DPP10: variants seen among roughly 807,000 people sequenced by gnomAD.
DPP10 encodes the protein dipeptidyl peptidase like 10, also known as inactive dipeptidyl peptidase 10.
Under a neutral mutation model 120.9 loss-of-function variants are expected in DPP10, and 33 were observed. The observed-to-expected ratio is 0.27, with a 90% CI of 0.21 to 0.37. The LOEUF (loss-of-function observed/expected upper bound fraction) is 0.37, where lower values mean the gene tolerates loss of function less well. Ranked by LOEUF, DPP10 falls within the 10% of genes least tolerant of loss-of-function variation. The pLI is 1.00. For synonymous variants in DPP10, 337 were observed against 326.1 expected (o/e 1.03, Z -0.36); for missense variants, 816 against 942.8 (o/e 0.87, Z 1.76).
At chr2:114,644,253 T>C (rs1695943420) in intron 1 of DPP10, among the ~76,000 whole-genome samples, 1 of 151,422 alleles carries the variant, frequency 6.6e-6, no homozygotes, top group South Asian at 2.1e-4. Context: ...GATTAATATA[T>C]TTTATTTCTA....
rs7602921 is a variant in DPP10 at position 115,646,110 on chromosome 2, A to G, written c.442-43577A>G. Among the ~76,000 whole-genome samples, 823 of 144,438 alleles carry G rather than the reference A, an allele frequency of 5.7e-3. 4 individuals are homozygous for G. Among genetic ancestry groups the G allele is most frequent in the African/African-American group, 0.017 (674 of 40,232 alleles). 94.8% of individuals were successfully genotyped at this position (144,438 alleles called of 152,430 possible). A position where few individuals can be genotyped will look rare whatever the true frequency, so the allele number is the denominator to read the frequency against. ...CACACACATGCACGTGCGTGCGCGCACACACACACACACACTTCTTTGCCC... is the reference window on the plus strand; with the variant it reads ...CACACACATGCACGTGCGTGCGCGCGCACACACACACACACTTCTTTGCCC... On this transcript the variant is annotated intron_variant, in intron 5 of 25. Transcript: ENST00000410059.
At chr2:114,968,172 C>G (rs1301946835) in intron 1 of DPP10, among the ~76,000 whole-genome samples, 1 of 152,160 alleles carries the variant, frequency 6.6e-6, no homozygotes, top group South Asian at 2.1e-4. Context: ...ATATTTACAC[C>G]TGTGCTCTCG....
chr2:115,131,638 A>T (rs887810735), intron 1 of DPP10, among the ~76,000 whole-genome samples: 2 of 152,250 alleles, frequency 1.3e-5, no homozygotes, highest in Admixed American at 6.5e-5. Flanking sequence ...TTTCAAATCC[A>T]TCTGAAGAAT....
chr2:115,483,070 T>C (rs2075536692), intron 3 of DPP10, among the ~76,000 whole-genome samples: 1 of 152,052 alleles, frequency 6.6e-6, no homozygotes, highest in Non-Finnish European at 1.5e-5. Context: ...GCCATTTTGA[T>C]GGTTAATGGT....
intron 1 of DPP10, among the ~76,000 whole-genome samples, chr2:114,554,938 CCAGGAGCACA>C (rs1688168521): frequency 6.6e-6 from 1 of 152,144 alleles, no homozygotes; most frequent in African/African-American, 2.4e-5. Flanking sequence ...AGGGGAAGAG[CCAGGAGCACA>C]AGCAGTGTCC....
intron 5 of DPP10, among the ~76,000 whole-genome samples, chr2:115,632,119 T>C (rs1393144068): frequency 2.0e-5 from 3 of 152,144 alleles, no homozygotes; most frequent in African/African-American, 7.2e-5. Flanking sequence ...TATATATTTC[T>C]GATAGCTAGC....
At chr2:114,979,943 A>G (rs1465748507) in intron 1 of DPP10, among the ~76,000 whole-genome samples, 3 of 152,038 alleles carry the variant, frequency 2.0e-5, no homozygotes, top group Non-Finnish European at 4.4e-5. Flanking sequence ...AAATTTTGTC[A>G]GTTTCTATAG....
At chr2:114,976,080 CATAA>C (rs1029113510) in intron 1 of DPP10, among the ~76,000 whole-genome samples, 5 of 152,070 alleles carry the variant, frequency 3.3e-5, no homozygotes, top group Non-Finnish European at 7.4e-5. Flanking sequence ...CTGAACTTTG[CATAA>C]ATGTTTATTA....
intron 10 of DPP10, among the ~76,000 whole-genome samples, chr2:115,751,731 G>T (rs1678734569): frequency 6.6e-6 from 1 of 151,522 alleles, no homozygotes; most frequent in Admixed American, 6.6e-5. Flanking sequence ...GTATCAAGAG[G>T]TTATTTTTCT....
At chr2:115,655,854 G>A (rs1393389682) in intron 5 of DPP10, among the ~76,000 whole-genome samples, 1 of 151,570 alleles carries the variant, frequency 6.6e-6, no homozygotes, top group Non-Finnish European at 1.5e-5. Flanking sequence ...GGGGAAGGCT[G>A]AGGAGGAAGA....
At chr2:114,967,377 A>G (rs1699107751) in intron 1 of DPP10, among the ~76,000 whole-genome samples, 1 of 152,030 alleles carries the variant, frequency 6.6e-6, no homozygotes, top group African/African-American at 2.4e-5. Context: ...ACACAGATGG[A>G]TTTTTGGGTG....
intron 1 of DPP10, among the ~76,000 whole-genome samples, chr2:114,509,443 G>A (rs553593388): frequency 2.6e-5 from 4 of 152,296 alleles, no homozygotes; most frequent in South Asian, 2.1e-4. Context: ...TCAGTTAGTC[G>A]AGAAATTAAA....
At chr2:114,658,952 C>T (rs1044937324) in intron 1 of DPP10, among the ~76,000 whole-genome samples, 1 of 152,136 alleles carries the variant, frequency 6.6e-6, no homozygotes, top group Non-Finnish European at 1.5e-5. Flanking sequence ...TGGGGTTTCT[C>T]CCATGCCGTT....
At chr2:115,599,079 G>C (rs1455107435) in intron 5 of DPP10, among the ~76,000 whole-genome samples, 1 of 151,758 alleles carries the variant, frequency 6.6e-6, no homozygotes, top group Non-Finnish European at 1.5e-5. Context: ...AAAATCATAT[G>C]TTATTTTCAC....
chr2:114,912,709 A>G (rs1477001163), intron 1 of DPP10, among the ~76,000 whole-genome samples: 1 of 152,186 alleles, frequency 6.6e-6, no homozygotes, highest in Non-Finnish European at 1.5e-5. Context: ...TTTGGCCCCA[A>G]GCAGCTCCCA....
At chr2:115,762,535 C>T (rs368469854) in intron 11 of DPP10, 37 bp from the exon 12 acceptor site, 603 of 1,612,602 alleles carry the variant, frequency 3.7e-4, no homozygotes, top group Middle Eastern at 6.6e-4. Flanking sequence ...TCATTTTGGT[C>T]TTTAGATGCT....
chr2:115,506,444 C>T (rs1311785816), intron 4 of DPP10, among the ~76,000 whole-genome samples: 1 of 152,010 alleles, frequency 6.6e-6, no homozygotes, highest in Non-Finnish European at 1.5e-5. Flanking sequence ...CTCAATAAAT[C>T]TAGTGTAGTC....
chr2:115,153,396 A>G (rs548216328), intron 1 of DPP10, among the ~76,000 whole-genome samples: 2 of 152,306 alleles, frequency 1.3e-5, no homozygotes, highest in South Asian at 4.1e-4. Context: ...TGTAGTTTCT[A>G]GTGAATATGC....
intron 1 of DPP10, among the ~76,000 whole-genome samples, chr2:115,005,380 G>A (rs1451936608): frequency 2.0e-5 from 3 of 152,016 alleles, no homozygotes; most frequent in Non-Finnish European, 4.4e-5. Flanking sequence ...TGACTTTGAC[G>A]AGCTGAGAGA....
Sources: gnomAD v4.1 joint callset for allele counts (sites outside exome capture counted in the v4.1 genomes callset) on GRCh38, gnomAD v4.1.1 for gene constraint, MANE v1.5 for transcripts, NCBI Gene and HGNC (gene_info 2026-07-23, HGNC 2026-07-21) for gene names.